The following PARP15 variants were observed in gnomAD, a reference collection of about 807,000 sequenced individuals.
The protein encoded by PARP15 is poly(ADP-ribose) polymerase family member 15, also known as protein mono-ADP-ribosyltransferase PARP15.
Under a neutral mutation model 62.1 loss-of-function variants are expected in PARP15, and 50 were observed. The observed-to-expected ratio is 0.81, with a 90% confidence interval of 0.64 to 1.02. PARP15 has a LOEUF of 1.02. Among genes scored for constraint, PARP15 ranks in the 50% least tolerant of loss-of-function variants. The pLI, the probability that PARP15 is intolerant of heterozygous loss-of-function variation, is 0.00. For synonymous variants in PARP15, 309 were observed against 293.1 expected, an observed-to-expected ratio of 1.05 and a Z score of -0.55; for missense variants, 820 against 826.5, an observed-to-expected ratio of 0.99 and a Z score of 0.10.
intron 1 of PARP15, among the ~76,000 whole-genome samples, chr3:122,587,707 A>G (rs1933555500): frequency 6.6e-6 from 1 of 151,936 alleles, no homozygotes; most frequent in South Asian, 2.1e-4. Flanking sequence ...TATTTTTTGT[A>G]GAGATGAGGT....
At position 122,638,207 on chromosome 3, in the gene PARP15, C is replaced by T. The variant is rs1467901734; in HGVS notation, c.*2107C>T. On this transcript the variant is annotated 3_prime_UTR_variant, in exon 12 of 12. Coordinates refer to ENST00000464300, the MANE Select transcript of PARP15 (RefSeq NM_001113523.3). ...CTTAATCCAGTCTATCATTGTTGGA[C>T]ATTTGGGTTGGTTCCAAGTCTTTGC... 6.6e-6 allele frequency: 1 copy of T among 152,090 alleles called. No homozygotes were observed. Among genetic ancestry groups the T allele is most frequent in the Non-Finnish European group, 1.5e-5 (1 of 68,022 alleles). 9.4% of individuals were successfully genotyped at this position (152,090 alleles called of 1,614,324 possible). A position where few individuals can be genotyped will look rare whatever the true frequency, so the allele number is the denominator to read the frequency against.
In PARP15 at chr3:122,610,490, T is replaced by C. The variant is rs1576514854; in HGVS notation, c.307-4T>C. 5 of 1,547,340 alleles carry C rather than the reference T, an allele frequency of 3.2e-6. No homozygotes were observed. In the East Asian group the frequency reaches 9.8e-5, roughly 30 times the overall value. On this transcript the variant is annotated splice_polypyrimidine_tract_variant and splice_region_variant and intron_variant, in intron 2 of 11. Coordinates refer to ENST00000464300, the MANE Select transcript of PARP15 (RefSeq NM_001113523.3). ...AATCTCTAACTGTTGCTATTTTCGT[T>C]AAGGCCGATGTCATTGTCAACAGCG...
At chr3:122,614,948 T>G (rs1403016619) in intron 4 of PARP15, 2 of 472,932 alleles carry the variant, frequency 4.2e-6, no homozygotes, top group Non-Finnish European at 2.7e-6. Flanking sequence ...GAGGATCAGT[T>G]GAGTCCAGGG....
intron 4 of PARP15, chr3:122,615,228 C>T: frequency 2.4e-6 from 3 of 1,274,738 alleles, no homozygotes; most frequent in Admixed American, 2.4e-5. Context: ...TTTTCCATTT[C>T]TAAACAAAAC....
intron 7 of PARP15, among the ~76,000 whole-genome samples, chr3:122,621,172 T>C (rs1936315144): frequency 6.6e-6 from 1 of 152,190 alleles, no homozygotes; most frequent in Non-Finnish European, 1.5e-5. Context: ...AGTACCTGCC[T>C]CATAGGCTTG....
rs375317150 is a variant in PARP15, at chr3:122,617,140, G to C, written c.976G>C (p.Ala326Pro). The change falls in exon 6 of 12, where the codon GCA becomes CCA. Residue 326 changes from alanine (A) to proline (P), a missense_variant. Around this residue, in one of 3 missense-constraint regions of PARP15, gnomAD observed 731 missense variants for 727.7 expected, o/e 1.00. Coordinates refer to ENST00000464300, the MANE Select transcript of PARP15 (RefSeq NM_001113523.3). ...EQVDVIVNST[A>P]RTFNRKSGVS... ...GGTAGATGTTATTGTAAACTCAACA[G>C]CAAGGACATTTAATCGGAAATCAGG... The C allele has an allele frequency of 6.2e-7, 1 of 1,612,904 alleles. No homozygotes were observed. Among genetic ancestry groups the C allele is most frequent in the Non-Finnish European group, 8.5e-7 (1 of 1,179,352 alleles).
At chr3:122,625,085 C>A (rs6794823) in intron 8 of PARP15, among the ~76,000 whole-genome samples, 3,111 of 152,034 alleles carry the variant, frequency 0.02, 106 homozygotes, top group African/African-American at 0.07. Context: ...ATATTCTTAT[C>A]CCTATTACCT....
At chr3:122,601,356 C>G (rs938642195) in intron 1 of PARP15, among the ~76,000 whole-genome samples, 1 of 152,126 alleles carries the variant, frequency 6.6e-6, no homozygotes, top group African/African-American at 2.4e-5. Context: ...CATGTGTCCA[C>G]CATTGCAATA....
intron 4 of PARP15, among the ~76,000 whole-genome samples, chr3:122,613,509 T>C (rs964988351): frequency 3.3e-5 from 5 of 152,202 alleles, no homozygotes; most frequent in Non-Finnish European, 5.9e-5. Context: ...TGGAAAGTTA[T>C]TGGCATAAAA....
intron 2 of PARP15, among the ~76,000 whole-genome samples, chr3:122,607,139 AAC>A (rs1221484488): frequency 3.3e-5 from 5 of 152,212 alleles, no homozygotes; most frequent in African/African-American, 1.2e-4. Flanking sequence ...ACTTACTTAT[AAC>A]ACTGGAATTG....
chr3:122,593,330 C>T (rs987518044), intron 1 of PARP15, among the ~76,000 whole-genome samples: 1 of 151,952 alleles, frequency 6.6e-6, no homozygotes, highest in African/African-American at 2.4e-5. Context: ...TTAATAGAGA[C>T]GGGGTTTCAC....
At chr3:122,593,912 C>A (rs759325388) in intron 1 of PARP15, among the ~76,000 whole-genome samples, 7 of 152,180 alleles carry the variant, frequency 4.6e-5, no homozygotes, top group Admixed American at 6.5e-5. Flanking sequence ...ATAATTACTT[C>A]TGCTACTACT....
Position 122,635,875 on chromosome 3 carries a change from C to G in PARP15, c.1812C>G (p.Tyr604Ter). Residue 604 changes from tyrosine to a stop codon, truncating the protein, a stop_gained, in exon 12 of 12, where the codon TAC becomes TAG. Transcript: ENST00000464300. LOFTEE classifies it low-confidence loss of function (END_TRUNC). ...CCAGTTATTCTGCCAAGGACACCTA[C>G]TCCAAGCCAGACAGCAATGGGAGAA... is the stretch of plus-strand genomic sequence containing the variant. ...VDASYSAKDT[Y>*]SKPDSNGRKH... is the part of the protein sequence containing the mutation. The G allele has an allele frequency of 1.2e-6, 2 of 1,614,114 alleles. No individual in the cohort carries two copies. The highest frequency in any genetic ancestry group is 1.7e-6 in the Non-Finnish European group (2 of 1,180,004).
rs751195815 is a variant in PARP15, at chr3:122,632,188, C to G, written c.1541C>G (p.Thr514Ser). 3.1e-6 allele frequency: 5 copies of G among 1,613,298 alleles called. No individual in the cohort carries two copies. In the African/African-American group the frequency reaches 6.7e-5, roughly 22 times the overall value. ...TATAATACCATAAAGGACAAGTTCA[C>G]CCGAACTTGTTCTTCCTACGCAATA... Reference protein sequence around the residue: ...SEYNTIKDKFTRTCSSYAIEK... With the variant: ...SEYNTIKDKFSRTCSSYAIEK... Residue 514 changes from threonine to serine, a missense_variant, in exon 10 of 12, where the codon ACC becomes AGC. Coordinates refer to ENST00000464300, the MANE Select transcript of PARP15 (RefSeq NM_001113523.3).
At chr3:122,634,529 A>G (rs1937242748) in intron 10 of PARP15, among the ~76,000 whole-genome samples, 1 of 152,212 alleles carries the variant, frequency 6.6e-6, no homozygotes, top group African/African-American at 2.4e-5. Flanking sequence ...GAGGTCTAGA[A>G]AAAAATAGTC....
intron 6 of PARP15, 65 bp downstream of exon 6, chr3:122,617,229 C>A: frequency 1.3e-6 from 2 of 1,496,986 alleles, no homozygotes; most frequent in Non-Finnish European, 9.2e-7. Context: ...GAAATTGTGG[C>A]TAATATTTGC....
intron 1 of PARP15, among the ~76,000 whole-genome samples, chr3:122,589,167 A>G (rs995475227): frequency 6.6e-6 from 1 of 152,182 alleles, no homozygotes; most frequent in Admixed American, 6.5e-5. Flanking sequence ...TAGAGTTCTT[A>G]GTAAGGGCTC....
intron 9 of PARP15, among the ~76,000 whole-genome samples, chr3:122,630,652 C>T (rs933510321): frequency 6.6e-6 from 1 of 152,080 alleles, no homozygotes; most frequent in Non-Finnish European, 1.5e-5. Context: ...GCACTCAAGA[C>T]TGGGTAACAG....
chr3:122,592,528 A>G lies in PARP15; in HGVS notation c.187-13408A>G, dbSNP rs115544946. Among the ~76,000 whole-genome samples the G allele has an allele frequency of 7.5e-3, 1,138 of 152,242 alleles. 9 individuals carry two copies. Among genetic ancestry groups the G allele is most frequent in the African/African-American group, 0.026 (1,084 of 41,526 alleles). On this transcript the variant is annotated intron_variant, in intron 1 of 11. Coordinates refer to ENST00000464300, the MANE Select transcript of PARP15 (RefSeq NM_001113523.3). ...GAGGTGATGGGTATTTAGGTGCAGC[A>G]AACCACCACGGCAAACATTTACCTA... is the stretch of plus-strand genomic sequence containing the variant.
Sources: allele counts gnomAD v4.1 joint callset (sites outside exome capture counted in the v4.1 genomes callset), GRCh38; gene constraint gnomAD v4.1.1; regional missense constraint gnomAD v4.1.1; transcripts MANE v1.5; gene names NCBI Gene and HGNC (gene_info 2026-07-23, HGNC 2026-07-21).